Variants in TENM1 observed in about 807,000 individuals in gnomAD.
The protein encoded by TENM1 is teneurin-1.
TENM1 carries 35 observed loss-of-function variants against 174.8 expected under a neutral mutation model. That is an observed-to-expected ratio of 0.20 (90% confidence interval 0.15 to 0.27). The LOEUF (loss-of-function observed/expected upper bound fraction) is 0.27. Among genes scored for constraint, TENM1 ranks in the 10% least tolerant of loss-of-function variants. The pLI is 1.00. For missense variants in TENM1, 1,633 were observed against 2,130.1 expected (o/e 0.77, Z 4.59); for synonymous variants, 781 against 798.7 (o/e 0.98, Z 0.37).
intron 7 of TENM1, among the ~76,000 whole-genome samples, chrX:124,652,533 CAGAA>C (rs1331364471): frequency 2.7e-5 from 3 of 111,763 alleles, no homozygotes; most frequent in African/African-American, 3.3e-5. Context: ...AAATAAAAAA[CAGAA>C]AGAAATCTTG....
At chrX:124,772,986 G>T (rs775013351) in intron 3 of TENM1, among the ~76,000 whole-genome samples, 1 of 111,872 alleles carries the variant, frequency 8.9e-6, no homozygotes, top group East Asian at 2.8e-4. Context: ...CTGGGTCATT[G>T]TAGGATTATT....
intron 6 of TENM1, among the ~76,000 whole-genome samples, chrX:124,662,732 G>C (rs972800441): frequency 1.8e-5 from 2 of 111,184 alleles, no homozygotes; most frequent in Non-Finnish European, 3.8e-5. Context: ...CCAAGGTCTG[G>C]CGCAAACTAC....
chrX:124,637,824 T>G (rs756050296), intron 11 of TENM1, among the ~76,000 whole-genome samples: 26 of 112,470 alleles, frequency 2.3e-4, no homozygotes, highest in African/African-American at 8.1e-4. Context: ...CTTCTTTGTA[T>G]ACTATTGCCT....
At chrX:124,881,970 C>G (rs749164304) in intron 3 of TENM1, among the ~76,000 whole-genome samples, 1 of 111,955 alleles carries the variant, frequency 8.9e-6, no homozygotes, top group Non-Finnish European at 1.9e-5. Flanking sequence ...CTCAGGTGAC[C>G]CGCCCACTTC....
the TENM1 span, among the ~76,000 whole-genome samples, chrX:125,104,987 C>T: frequency 9.0e-6 from 1 of 111,519 alleles, no homozygotes; most frequent in African/African-American, 3.3e-5. Flanking sequence ...TTGCCACATT[C>T]ATTCATTTCT....
chrX:124,845,365 T>C (rs1451488794), intron 3 of TENM1, among the ~76,000 whole-genome samples: 1 of 111,322 alleles, frequency 9.0e-6, no homozygotes, highest in African/African-American at 3.3e-5. Context: ...GGGCCCTAGA[T>C]TTTGTATTTC....
chrX:125,077,679 C>T, the TENM1 span, among the ~76,000 whole-genome samples: 12 of 111,159 alleles, frequency 1.1e-4, no homozygotes, highest in Middle Eastern at 4.7e-3. Flanking sequence ...GCACTCCCTA[C>T]GGACAGGAAA....
intron 3 of TENM1, among the ~76,000 whole-genome samples, chrX:124,782,131 A>G (rs1305734244): frequency 9.0e-6 from 1 of 111,653 alleles, no homozygotes; most frequent in Non-Finnish European, 1.9e-5. Flanking sequence ...CGCTACAAGG[A>G]TGGAAAGAGC....
chrX:124,462,077 G>A (rs978695732), intron 22 of TENM1, among the ~76,000 whole-genome samples: 8 of 110,420 alleles, frequency 7.2e-5, no homozygotes, highest in African/African-American at 2.0e-4. Context: ...ATGTCATCCC[G>A]TTTCTCTTTC....
chrX:125,033,033 C>T, the TENM1 span, among the ~76,000 whole-genome samples: 2 of 111,230 alleles, frequency 1.8e-5, no homozygotes, highest in Admixed American at 9.6e-5. Context: ...GAGGTAACTT[C>T]GGTTGTTACA....
At chrX:124,652,364 G>T (rs1023500339) in intron 7 of TENM1, among the ~76,000 whole-genome samples, 1 of 111,141 alleles carries the variant, frequency 9.0e-6, no homozygotes, top group African/African-American at 3.3e-5. Context: ...TTTCAGACCA[G>T]CCTGGGCAAC....
intron 11 of TENM1, 26 bp from the exon 15 acceptor site, chrX:124,565,586 T>C (rs1304792628): frequency 9.6e-7 from 1 of 1,045,379 alleles, no homozygotes; most frequent in Admixed American, 2.9e-5. Context: ...AGAAGACATA[T>C]TAACATATTT....
intron 11 of TENM1, among the ~76,000 whole-genome samples, chrX:124,573,477 G>A (rs945649096): frequency 1.8e-5 from 2 of 111,458 alleles, no homozygotes; most frequent in Non-Finnish European, 3.8e-5. Flanking sequence ...TATCTTACAT[G>A]TCTGAAATAT....
the TENM1 span, among the ~76,000 whole-genome samples, chrX:125,089,524 G>A: frequency 8.9e-6 from 1 of 111,934 alleles, no homozygotes; most frequent in South Asian, 3.7e-4. Context: ...TAATCTAATT[G>A]TTGAATGTGT....
intron 3 of TENM1, among the ~76,000 whole-genome samples, chrX:124,857,123 T>C (rs767234093): frequency 7.2e-4 from 80 of 111,270 alleles, no homozygotes; most frequent in Non-Finnish European, 9.7e-4. Flanking sequence ...TCACAGATAG[T>C]AGAGAAAAAT....
chrX:124,949,146 A>C (rs959322579), intron 1 of TENM1, among the ~76,000 whole-genome samples: 3 of 110,991 alleles, frequency 2.7e-5, no homozygotes, highest in Non-Finnish European at 5.7e-5. Flanking sequence ...GTATGAAGAG[A>C]AAATCTCTCT....
chrX:124,520,578 T>C (rs780183424), exon 18 of TENM1: 1 of 1,211,101 alleles, frequency 8.3e-7, no homozygotes, highest in East Asian at 3.0e-5. Flanking sequence ...TCCAAGCAAA[T>C]GTGTAGACAA....
At chrX:124,541,948 A>G (rs2048328818) in intron 15 of TENM1, among the ~76,000 whole-genome samples, 1 of 111,310 alleles carries the variant, frequency 9.0e-6, no homozygotes, top group African/African-American at 3.3e-5. Context: ...TGGAACACTC[A>G]CTCTTGGAGC....
intron 11 of TENM1, among the ~76,000 whole-genome samples, chrX:124,571,325 G>C (rs1157366494): frequency 1.8e-5 from 2 of 112,194 alleles, no homozygotes; most frequent in African/African-American, 6.5e-5. Context: ...ACAAAAACTT[G>C]TGGGATGCAG....
Sources: allele counts gnomAD v4.1 joint callset (sites outside exome capture counted in the v4.1 genomes callset), GRCh38; gene constraint gnomAD v4.1.1; transcripts MANE v1.5; gene names NCBI Gene and HGNC (gene_info 2026-07-23, HGNC 2026-07-21).